EXOC5: variants seen among roughly 807,000 people sequenced by gnomAD.
EXOC5 encodes the protein exocyst complex component 5.
Under a neutral mutation model 90.8 loss-of-function variants are expected in EXOC5, and 17 were observed. The ratio of observed to expected loss-of-function variants is 0.19; its 90% CI spans 0.13 to 0.28. EXOC5 has a LOEUF of 0.28. Ranked by LOEUF, EXOC5 falls within the 10% of genes least tolerant of loss-of-function variation. EXOC5 has a pLI of 1.00. For missense variants in EXOC5, 569 were observed against 830.6 expected, an observed-to-expected ratio of 0.69 and a Z score of 3.87; for synonymous variants, 260 against 270.0, an observed-to-expected ratio of 0.96 and a Z score of 0.36.
chr14:57,229,918 A>G, intron 11 of EXOC5, 37 bp from the exon 12 acceptor site: 1 of 1,284,652 alleles, frequency 7.8e-7, no homozygotes, highest in South Asian at 2.2e-5. Flanking sequence ...AAAAGAAAAC[A>G]TTTTACTTAG....
At chr14:57,219,298 T>C (rs764404723) in intron 14 of EXOC5, 24 bp downstream of exon 14, 9 of 1,395,374 alleles carry the variant, frequency 6.4e-6, no homozygotes, top group South Asian at 2.9e-5. Context: ...GAAATATCAA[T>C]GAAAATCAGA....
intron 2 of EXOC5, among the ~76,000 whole-genome samples, chr14:57,247,278 G>A (rs752113265): frequency 6.6e-6 from 1 of 152,120 alleles, no homozygotes; most frequent in Non-Finnish European, 1.5e-5. Flanking sequence ...CCAGAGTTCA[G>A]TGACTTTGTT....
chr14:57,263,878 C>A (rs1023513757), intron 1 of EXOC5, among the ~76,000 whole-genome samples: 1 of 151,664 alleles, frequency 6.6e-6, no homozygotes, highest in Non-Finnish European at 1.5e-5. Flanking sequence ...CCTCACCTTA[C>A]AACAAACTGG....
rs937621028 is a variant in EXOC5 at position 57,204,094 on chromosome 14, G to A, written c.*4515C>T. 6 of 152,342 alleles carry A rather than the reference G, an allele frequency of 3.9e-5. No individual in the cohort carries two copies. The highest frequency in any genetic ancestry group is 3.4e-3 in the Middle Eastern group (1 of 294). The allele number at this position is 152,342 out of a possible 1,614,324, so 9.4% of individuals were successfully genotyped here. A position where few individuals can be genotyped will look rare whatever the true frequency, so the allele number is the denominator to read the frequency against. On this transcript the variant is annotated 3_prime_UTR_variant, in exon 18 of 18. Coordinates refer to ENST00000621441, the MANE Select transcript of EXOC5 (RefSeq NM_006544.4). ...CTTCTAAACCACTTAGAAAATGGGCGAGTGTGTTTAATTACTCATCTTTCC... is the reference window on the plus strand; with the variant it reads ...CTTCTAAACCACTTAGAAAATGGGCAAGTGTGTTTAATTACTCATCTTTCC...
intron 1 of EXOC5, among the ~76,000 whole-genome samples, chr14:57,248,521 A>T (rs1481575113): frequency 6.6e-6 from 1 of 150,700 alleles, no homozygotes; most frequent in African/African-American, 2.5e-5. Context: ...TAATTTTCTT[A>T]AAAAAAAATT....
Position 57,209,986 on chromosome 14 carries a change from T to C in EXOC5, c.1689A>G (p.Glu563=). The C allele has an allele frequency of 6.3e-7, 1 of 1,585,070 alleles. No homozygotes were observed. Among genetic ancestry groups the C allele is most frequent in the Non-Finnish European group, 8.6e-7 (1 of 1,157,860 alleles). Residue 563 remains glutamate, a synonymous_variant, in exon 16 of 18, where the codon GAA becomes GAG. Coordinates refer to ENST00000621441, the MANE Select transcript of EXOC5 (RefSeq NM_006544.4). ...AEQKKTDFKP[E]DENNVLIQYT... ...ATTGAATCAAAACATTGTTTTCATC[T>C]TCTGGCTTAAAATCTGTTTTCTTCT...
In EXOC5 at chr14:57,238,349, CATATATATATAT is replaced by C. The variant is rs146486005; in HGVS notation, c.531-995_531-984del. Among the ~76,000 whole-genome samples, 53 of 89,220 alleles carry C rather than the reference CATATATATATAT, an allele frequency of 5.9e-4. 1 individual carries two copies. Among genetic ancestry groups the C allele is most frequent in the African/African-American group, 1.5e-3 (43 of 28,208 alleles). The allele number at this position is 89,220 out of a possible 152,430, so 58.5% of individuals were successfully genotyped here. A position where few individuals can be genotyped will look rare whatever the true frequency, so the allele number is the denominator to read the frequency against. On this transcript the variant is annotated intron_variant, in intron 5 of 17. Transcript: ENST00000621441. ...GAGTTGAATATATATCCTAATTAGA[CATATATATATAT>C]ATATATATATATATACACACACACA...
intron 12 of EXOC5, among the ~76,000 whole-genome samples, chr14:57,225,004 G>A (rs1481908417): frequency 1.3e-5 from 2 of 152,142 alleles, no homozygotes; most frequent in Non-Finnish European, 2.9e-5. Context: ...GGAGGTTGCA[G>A]TGAGCCGAGA....
At chr14:57,234,404 C>G (rs1321848942) in intron 7 of EXOC5, among the ~76,000 whole-genome samples, 1 of 151,374 alleles carries the variant, frequency 6.6e-6, no homozygotes, top group Non-Finnish European at 1.5e-5. Context: ...CACAAACACA[C>G]ACATACACAG....
intron 5 of EXOC5, among the ~76,000 whole-genome samples, chr14:57,238,990 G>A (rs1460146796): frequency 1.3e-5 from 2 of 151,938 alleles, no homozygotes; most frequent in African/African-American, 2.4e-5. Flanking sequence ...CTTCTCAGTG[G>A]ATAGTTTATT....
At chr14:57,243,675 T>C (rs1383962670) in intron 4 of EXOC5, 4 of 153,002 alleles carry the variant, frequency 2.6e-5, no homozygotes, top group Non-Finnish European at 4.4e-5. Flanking sequence ...ATTCAGAATT[T>C]TTTTCAGCTC....
At chr14:57,267,971 T>C (rs1456846533) in intron 1 of EXOC5, among the ~76,000 whole-genome samples, 1 of 152,164 alleles carries the variant, frequency 6.6e-6, no homozygotes, top group African/African-American at 2.4e-5. Flanking sequence ...GAGTGTATTA[T>C]TATGTATTAC....
At chr14:57,232,521 T>C (rs1883517258) in intron 10 of EXOC5, 146 bp downstream of exon 10, 1 of 464,652 alleles carries the variant, frequency 2.2e-6, no homozygotes. Context: ...TCTTGTACAA[T>C]ATAACTAGTC....
chr14:57,201,544 CATAT>C lies in EXOC5; in HGVS notation c.*7061_*7064del, dbSNP rs1462943924. On this transcript the variant is annotated 3_prime_UTR_variant, in exon 18 of 18. Coordinates refer to ENST00000621441, the MANE Select transcript of EXOC5 (RefSeq NM_006544.4). ...TATATACACACACACCACACATATACATATATTTTTATATATATTAATATTATAT... is the reference window on the plus strand; with the variant it reads ...TATATACACACACACCACACATATACATTTTTATATATATTAATATTATAT... 45 of 133,316 alleles carry C rather than the reference CATAT, an allele frequency of 3.4e-4. No homozygotes were observed. The highest frequency in any genetic ancestry group is 1.3e-3 in the African/African-American group (43 of 32,776). The allele number at this position is 133,316 out of a possible 1,614,324, so 8.3% of individuals were successfully genotyped here. A position where few individuals can be genotyped will look rare whatever the true frequency, so the allele number is the denominator to read the frequency against.
chr14:57,215,315 C>T (rs914634997), intron 15 of EXOC5, among the ~76,000 whole-genome samples: 4 of 151,696 alleles, frequency 2.6e-5, no homozygotes, highest in African/African-American at 7.3e-5. Flanking sequence ...CACTTTCAAA[C>T]TCATTTTACA....
rs551993092 is a variant in EXOC5, at chr14:57,201,110, C to T, written c.*7499G>A. The T allele has an allele frequency of 6.6e-6, 1 of 152,184 alleles. No individual in the cohort carries two copies. Among genetic ancestry groups the T allele is most frequent in the Admixed American group, 6.5e-5 (1 of 15,278 alleles). 9.4% of individuals were successfully genotyped at this position (152,184 alleles called of 1,614,324 possible). A position where few individuals can be genotyped will look rare whatever the true frequency, so the allele number is the denominator to read the frequency against. ...ATTGAGAAAGAGTAGGGTGAGACAT[C>T]TCAATAATAATAAGCACATCTCATG... On this transcript the variant is annotated 3_prime_UTR_variant, in exon 18 of 18. Coordinates refer to ENST00000621441, the MANE Select transcript of EXOC5 (RefSeq NM_006544.4).
chr14:57,229,531 AATAT>A (rs1883412779), intron 12 of EXOC5, among the ~76,000 whole-genome samples, 199 bp downstream of exon 12: 1 of 152,170 alleles, frequency 6.6e-6, no homozygotes, highest in Non-Finnish European at 1.5e-5. Flanking sequence ...GTAATGTAAT[AATAT>A]ATATAAATAA....
At position 57,259,557 on chromosome 14, in the gene EXOC5, C is replaced by T. The variant is rs373429693; in HGVS notation, c.27+9065G>A. ...TGCTTCCTAACCTGTGGCCAGGTAA[C>T]TCACCCCACCAAGTATGGCCTTTCT... On this transcript the variant is annotated intron_variant, in intron 1 of 17. Coordinates refer to ENST00000621441, the MANE Select transcript of EXOC5 (RefSeq NM_006544.4). Among the ~76,000 whole-genome samples, 23 of 152,300 alleles carry T rather than the reference C, an allele frequency of 1.5e-4. No homozygotes were observed. The East Asian group carries it at 4.4e-3, about 29-fold the overall frequency.
At chr14:57,211,708 A>C (rs1421747392) in intron 15 of EXOC5, 1 of 152,292 alleles carries the variant, frequency 6.6e-6, no homozygotes, top group African/African-American at 2.4e-5. Flanking sequence ...CCCCGTCTCT[A>C]CTAAAAATAC....
Sources: gnomAD v4.1 joint callset for allele counts (sites outside exome capture counted in the v4.1 genomes callset) on GRCh38, gnomAD v4.1.1 for gene constraint, MANE v1.5 for transcripts, NCBI Gene and HGNC (gene_info 2026-07-23, HGNC 2026-07-21) for gene names.